MTPN: variants seen among roughly 807,000 people sequenced by gnomAD.
MTPN encodes granule cell differentiation protein.
MTPN carries 2 observed loss-of-function variants against 13.5 expected under a neutral mutation model. The observed-to-expected ratio is 0.15, with a 90% CI of 0.06 to 0.47. MTPN has a LOEUF of 0.47. Ranked by LOEUF, MTPN falls within the 20% of genes least tolerant of loss-of-function variation. The probability of loss-of-function intolerance (pLI) is 0.97; values close to 1 mark genes in which losing one functional copy is unlikely to be tolerated. For synonymous variants in MTPN, 46 were observed against 51.7 expected (o/e 0.89, Z 0.48); for missense variants, 79 against 137.9 (o/e 0.57, Z 2.14).
chr7:135,974,688 A>G (rs570938434), intron 1 of MTPN, among the ~76,000 whole-genome samples: 1 of 152,352 alleles, frequency 6.6e-6, no homozygotes, highest in African/African-American at 2.4e-5. Flanking sequence ...AAGACTAGAC[A>G]GGTCTAAGTG....
In MTPN at chr7:135,968,687, AAGTATTATGTCCCAC is replaced by A. The variant is rs1432040642; in HGVS notation, c.72+8327_72+8341del. 1.9e-4 allele frequency among the ~76,000 whole-genome samples: 29 copies of A among 152,000 alleles called. No homozygotes were observed. In the East Asian group the frequency reaches 4.8e-3, roughly 25 times the overall value. On this transcript the variant is annotated intron_variant, in intron 1 of 3. Coordinates refer to ENST00000393085, the MANE Select transcript of MTPN (RefSeq NM_145808.4). ...ATGATTCATAAAGAATTAAAAGTTA[AAGTATTATGTCCCAC>A]AGATCACACGATCCCAGCATTCCAG... is the stretch of plus-strand genomic sequence containing the variant.
At position 135,927,255 on chromosome 7, in the gene MTPN, C is replaced by A; in HGVS notation, c.*2671G>T. 1 of 1,525,930 alleles carries A rather than the reference C, an allele frequency of 6.6e-7. No individual in the cohort carries two copies. Among genetic ancestry groups the A allele is most frequent in the South Asian group, 1.3e-5 (1 of 79,200 alleles). 94.5% of individuals were successfully genotyped at this position (1,525,930 alleles called of 1,614,324 possible). A position where few individuals can be genotyped will look rare whatever the true frequency, so the allele number is the denominator to read the frequency against. ...CACACTGCACCTACCTACTACCTCT[C>A]TTCCATGCTTAACTGGGTTTAGAAA... On this transcript the variant is annotated 3_prime_UTR_variant, in exon 4 of 4. Transcript: ENST00000393085.
chr7:135,968,438 G>GAAA (rs200580031), intron 1 of MTPN, among the ~76,000 whole-genome samples: 4 of 147,716 alleles, frequency 2.7e-5, no homozygotes, highest in East Asian at 2.0e-4. Flanking sequence ...TCTGTGGACT[G>GAAA]AAAAAAAAAA....
chr7:135,976,039 T>C lies in MTPN; in HGVS notation c.72+990A>G, dbSNP rs77767707. Among the ~76,000 whole-genome samples the C allele has an allele frequency of 1.2e-4, 19 of 152,334 alleles. No individual in the cohort carries two copies. The East Asian group carries it at 2.7e-3, about 22-fold the overall frequency. ...CTTTTAGAAGGTGAGCAAGATGCCA[T>C]CCGTGGTTGTCATAAAATTATACTT... On this transcript the variant is annotated intron_variant, in intron 1 of 3. Transcript: ENST00000393085.
chr7:135,944,046 G>A (rs78510704), intron 3 of MTPN, among the ~76,000 whole-genome samples: 2,257 of 152,202 alleles, frequency 0.015, 48 homozygotes, highest in African/African-American at 0.051. Flanking sequence ...TTCTATAGGC[G>A]ATTGAGAGGT....
At chr7:135,933,073 C>A (rs1235582396) in intron 3 of MTPN, among the ~76,000 whole-genome samples, 2 of 118,128 alleles carry the variant, frequency 1.7e-5, no homozygotes, top group Admixed American at 1.1e-4. Context: ...CCAGCTTGGG[C>A]AACTGAGCAA....
At chr7:135,973,902 G>A (rs947072368) in intron 1 of MTPN, among the ~76,000 whole-genome samples, 2 of 152,152 alleles carry the variant, frequency 1.3e-5, no homozygotes, top group Non-Finnish European at 1.5e-5. Context: ...TAGTAAAAAT[G>A]AATGAATTAA....
intron 1 of MTPN, among the ~76,000 whole-genome samples, chr7:135,969,175 A>C (rs1175774061): frequency 2.0e-5 from 3 of 147,774 alleles, no homozygotes. Context: ...CCAGCATGGC[A>C]CATGTATACA....
At chr7:135,961,218 C>G (rs1238001091) in intron 1 of MTPN, among the ~76,000 whole-genome samples, 1 of 152,024 alleles carries the variant, frequency 6.6e-6, no homozygotes, top group Non-Finnish European at 1.5e-5. Flanking sequence ...ATAAATGATA[C>G]ATAACCAGAA....
intron 1 of MTPN, among the ~76,000 whole-genome samples, chr7:135,976,431 A>G (rs1799773816): frequency 6.6e-6 from 1 of 152,202 alleles, no homozygotes; most frequent in African/African-American, 2.4e-5. Flanking sequence ...CTTGAAGCAA[A>G]TATGTATTTG....
intron 3 of MTPN, among the ~76,000 whole-genome samples, chr7:135,937,497 C>T (rs1020928026): frequency 2.0e-5 from 3 of 152,110 alleles, no homozygotes; most frequent in African/African-American, 4.8e-5. Flanking sequence ...CTAACTCCCT[C>T]TTGGATACCC....
chr7:135,971,593 T>C (rs1034444485), intron 1 of MTPN, among the ~76,000 whole-genome samples: 3 of 152,232 alleles, frequency 2.0e-5, no homozygotes, highest in African/African-American at 4.8e-5. Context: ...AAGAACTTTA[T>C]GATCTTGAGC....
chr7:135,934,714 A>G (rs919060135), intron 3 of MTPN, among the ~76,000 whole-genome samples: 1 of 152,196 alleles, frequency 6.6e-6, no homozygotes, highest in African/African-American at 2.4e-5. Flanking sequence ...CATATATAGT[A>G]TCTGAACAGT....
At chr7:135,959,130 T>C (rs536712723) in intron 1 of MTPN, among the ~76,000 whole-genome samples, 2 of 152,312 alleles carry the variant, frequency 1.3e-5, no homozygotes, top group African/African-American at 2.4e-5. Context: ...CTTTAAAAAG[T>C]TGTGAACACA....
chr7:135,946,867 T>C (rs35679694), intron 3 of MTPN, among the ~76,000 whole-genome samples: 2,455 of 152,316 alleles, frequency 0.016, 33 homozygotes, highest in African/African-American at 0.037. Context: ...GCTACTTTTC[T>C]ATTATGAGTG....
chr7:135,975,537 A>G (rs981117275), intron 1 of MTPN, among the ~76,000 whole-genome samples: 11 of 152,212 alleles, frequency 7.2e-5, no homozygotes, highest in Non-Finnish European at 1.5e-4. Context: ...GAAAACACTA[A>G]ATACATTGTG....
rs1798933598 is a variant in MTPN, at chr7:135,927,223, G to C, written c.*2703C>G. ...TGAATAAAAGGCCTACTTGTTTGCA[G>C]CTTCCACACACTGCACCTACCTACT... On this transcript the variant is annotated 3_prime_UTR_variant, in exon 4 of 4. Transcript: ENST00000393085. 2 of 1,331,048 alleles carry C rather than the reference G, an allele frequency of 1.5e-6. No homozygotes were observed. The highest frequency in any genetic ancestry group is 2.0e-6 in the Non-Finnish European group (2 of 998,108). The allele number at this position is 1,331,048 out of a possible 1,614,324, so 82.5% of individuals were successfully genotyped here.
At chr7:135,944,450 C>T (rs866384468) in intron 3 of MTPN, among the ~76,000 whole-genome samples, 3 of 151,894 alleles carry the variant, frequency 2.0e-5, no homozygotes, top group South Asian at 2.1e-4. Flanking sequence ...CCGAGGCAGG[C>T]GGATCACCTG....
chr7:135,939,663 T>A (rs62489144), intron 3 of MTPN, among the ~76,000 whole-genome samples: 1 of 145,730 alleles, frequency 6.9e-6, no homozygotes, highest in Non-Finnish European at 1.5e-5. Flanking sequence ...AGCCTTGGAC[T>A]GCACATCTTC....
Sources: allele counts gnomAD v4.1 joint callset (sites outside exome capture counted in the v4.1 genomes callset), GRCh38; gene constraint gnomAD v4.1.1; transcripts MANE v1.5; gene names NCBI Gene and HGNC (gene_info 2026-07-23, HGNC 2026-07-21).